Variants in PRSS55 observed in about 807,000 individuals in gnomAD.
PRSS55 encodes the protein probable serine protease UNQ9391/PRO34284.
In PRSS55, 41 loss-of-function variants were observed where a neutral mutation model predicts 23.6. The observed-to-expected ratio is 1.74, with a 90% confidence interval of 1.35 to 2.26. The LOEUF is 2.26. PRSS55 is among the 30% of genes most tolerant of loss of function. The probability of loss-of-function intolerance (pLI) is 0.00; values close to 1 mark genes in which losing one functional copy is unlikely to be tolerated. For missense variants in PRSS55, 669 were observed against 439.1 expected, an observed-to-expected ratio of 1.52 and a Z score of -4.68; for synonymous variants, 262 against 175.5, an observed-to-expected ratio of 1.49 and a Z score of -3.90.
chr8:10,538,725 G>A lies in PRSS55; in HGVS notation c.991G>A (p.Gly331Ser). 6.2e-7 allele frequency: 1 copy of A among 1,613,390 alleles called. No individual in the cohort carries two copies. The highest frequency in any genetic ancestry group is 1.3e-5 in the African/African-American group (1 of 74,948). ...GSPVSGVPEPGSPRSWLLLCP... is the reference protein window; with the variant it reads ...GSPVSGVPEPSSPRSWLLLCP... Reference sequence around the variant, plus strand: ...CCCAGTCTCGGGAGTCCCAGAGCCAGGCAGCCCCAGATCCTGGCTCCTGCT... The same window carrying A: ...CCCAGTCTCGGGAGTCCCAGAGCCAAGCAGCCCCAGATCCTGGCTCCTGCT... The change falls in exon 5 of 5, where the codon GGC (glycine) becomes AGC (serine). Residue 331 changes from glycine to serine, a missense_variant. Transcript: ENST00000328655.
rs75758579 is a variant in PRSS55 at position 10,553,735 on chromosome 8, C to T, written c.742-208C>T. On this transcript the variant is annotated intron_variant, in intron 4 of 4. Transcript: ENST00000522210. Reference sequence around the variant, plus strand: ...CACAGCATGGTTACTATTGTTAATACAGTAATAATGTATTATAGACCGGAA... The same window carrying T: ...CACAGCATGGTTACTATTGTTAATATAGTAATAATGTATTATAGACCGGAA... Among the ~76,000 whole-genome samples the T allele has an allele frequency of 9.0e-3, 1,369 of 152,238 alleles. 16 individuals carry two copies. Among genetic ancestry groups the T allele is most frequent in the East Asian group, 0.052 (269 of 5,186 alleles).
Position 10,531,479 on chromosome 8 carries a change from C to A in PRSS55, c.532C>A (p.Pro178Thr). 6.2e-7 allele frequency: 1 copy of A among 1,614,004 alleles called. No individual in the cohort carries two copies. The highest frequency in any genetic ancestry group is 8.5e-7 in the Non-Finnish European group (1 of 1,180,054). Residue 178 changes from proline to threonine, a missense_variant, in exon 3 of 5, where the codon CCC becomes ACC. Pro to Thr is a conservative substitution (Grantham distance 38). Transcript: ENST00000328655. ...LDDLKVPICLPTQPGPATWRE... is the reference protein window; with the variant it reads ...LDDLKVPICLTTQPGPATWRE... ...TGACCTGAAGGTGCCCATCTGCCTCCCCACGCAGCCCGGCCCTGCCACATG... is the reference window on the plus strand; with the variant it reads ...TGACCTGAAGGTGCCCATCTGCCTCACCACGCAGCCCGGCCCTGCCACATG...
intron 1 of PRSS55, among the ~76,000 whole-genome samples, chr8:10,526,527 C>T (rs1006832851): frequency 6.6e-5 from 10 of 152,228 alleles, no homozygotes; most frequent in Non-Finnish European, 1.5e-4. Flanking sequence ...GGGAGAGCAT[C>T]AGCAGAATAT....
At chr8:10,551,097 C>T (rs376034440) in intron 4 of PRSS55, among the ~76,000 whole-genome samples, 7 of 152,316 alleles carry the variant, frequency 4.6e-5, no homozygotes, top group African/African-American at 1.7e-4. Context: ...GCTTTGAGCA[C>T]TTTCCAAGAC....
At chr8:10,546,652 C>A (rs1240432072) in intron 4 of PRSS55, among the ~76,000 whole-genome samples, 1 of 152,104 alleles carries the variant, frequency 6.6e-6, no homozygotes, top group Non-Finnish European at 1.5e-5. Flanking sequence ...CACCTACAGG[C>A]AGCCCTCTGC....
intron 4 of PRSS55, among the ~76,000 whole-genome samples, chr8:10,553,124 T>C (rs1322893060): frequency 6.6e-6 from 1 of 152,176 alleles, no homozygotes; most frequent in Non-Finnish European, 1.5e-5. Flanking sequence ...GTTTTCCATA[T>C]GCTATTCTCA....
At position 10,529,337 on chromosome 8, in the gene PRSS55, G is replaced by C; in HGVS notation, c.155-170G>C. 5 of 668,100 alleles carry C rather than the reference G, an allele frequency of 7.5e-6. No individual in the cohort carries two copies. In the South Asian group the frequency reaches 8.7e-5, roughly 12 times the overall value. The allele number at this position is 668,100 out of a possible 1,614,324, so 41.4% of individuals were successfully genotyped here. ...GTGTAGACAAAATAAACCATCTGCC[G>C]GCTGATGTCACAAGGGCTGCCCCGC... is the stretch of plus-strand genomic sequence containing the variant. On this transcript the variant is annotated intron_variant, in intron 1 of 4. Coordinates refer to ENST00000328655, the MANE Select transcript of PRSS55 (RefSeq NM_198464.4).
chr8:10,529,176 T>A (rs939054962), intron 1 of PRSS55, among the ~76,000 whole-genome samples: 8 of 152,200 alleles, frequency 5.3e-5, no homozygotes, highest in Non-Finnish European at 7.3e-5. Context: ...CACGGGGGGT[T>A]AGCCTTGGAC....
In PRSS55 at chr8:10,532,968, G is replaced by T; in HGVS notation, c.661G>T (p.Glu221Ter). 1 of 1,614,176 alleles carries T rather than the reference G, an allele frequency of 6.2e-7. No homozygotes were observed. The highest frequency in any genetic ancestry group is 1.1e-5 in the South Asian group (1 of 91,074). ...KAPMVIMDWE[E>*]CSKMFPKLTK... ...GCCAATGGTCATCATGGACTGGGAG[G>T]AGTGTTCAAAGATGTTTCCAAAACT... The change falls in exon 4 of 5, where the codon GAG becomes TAG. Residue 221 changes from glutamate (E) to a stop codon, truncating the protein, a stop_gained. Coordinates refer to ENST00000328655, the MANE Select transcript of PRSS55 (RefSeq NM_198464.4). LOFTEE classifies it high-confidence loss of function.
At chr8:10,539,716 G>A (rs77836102), downstream of PRSS55, among the ~76,000 whole-genome samples, 1 of 152,170 alleles carries the variant, frequency 6.6e-6, no homozygotes, top group East Asian at 1.9e-4. Context: ...GTTCTCTCTT[G>A]CCTGCTGCCA....
At chr8:10,527,784 G>A (rs1287715427) in intron 1 of PRSS55, among the ~76,000 whole-genome samples, 1 of 152,202 alleles carries the variant, frequency 6.6e-6, no homozygotes, top group Non-Finnish European at 1.5e-5. Context: ...AAGTGAGGAT[G>A]AAAATAAGAG....
chr8:10,535,638 C>T (rs1439653576), intron 4 of PRSS55, among the ~76,000 whole-genome samples: 4 of 152,174 alleles, frequency 2.6e-5, no homozygotes, highest in Admixed American at 1.3e-4. Context: ...ACACTACAAA[C>T]CACCATTCTT....
intron 4 of PRSS55, among the ~76,000 whole-genome samples, chr8:10,537,331 A>AATG (rs1812491195): frequency 6.6e-6 from 1 of 152,262 alleles, no homozygotes; most frequent in African/African-American, 2.4e-5. Context: ...AACAGCATGT[A>AATG]TAGAACTGGA....
chr8:10,546,135 C>T (rs1585893964), intron 4 of PRSS55, among the ~76,000 whole-genome samples: 1 of 152,122 alleles, frequency 6.6e-6, no homozygotes, highest in Admixed American at 6.5e-5. Flanking sequence ...AGCCAGCTTC[C>T]AGAATGAAGC....
At chr8:10,538,439 AC>A in intron 4 of PRSS55, 36 bp from the exon 5 acceptor site, 1 of 1,521,480 alleles carries the variant, frequency 6.6e-7, no homozygotes, top group Non-Finnish European at 9.0e-7. Flanking sequence ...GCAGCTTAGA[AC>A]CGGACTCCCT....
exon 5 of PRSS55, chr8:10,554,025 A>C: frequency 1.3e-6 from 2 of 1,526,492 alleles, no homozygotes; most frequent in Non-Finnish European, 1.8e-6. Flanking sequence ...TTTCATCTGC[A>C]AAACTGATGC....
chr8:10,531,675 C>A, intron 3 of PRSS55, 130 bp downstream of exon 3: 1 of 1,356,636 alleles, frequency 7.4e-7, no homozygotes, highest in Non-Finnish European at 9.9e-7. Context: ...TCTCACAGTG[C>A]CCAAAGTTTA....
intron 2 of PRSS55, among the ~76,000 whole-genome samples, chr8:10,530,605 A>G (rs573043428): frequency 6.6e-6 from 1 of 152,260 alleles, no homozygotes; most frequent in East Asian, 1.9e-4. Context: ...CTGCTCACCC[A>G]CAGTACCCAT....
intron 4 of PRSS55, among the ~76,000 whole-genome samples, chr8:10,550,591 T>C (rs1421523371): frequency 2.6e-5 from 4 of 152,168 alleles, no homozygotes; most frequent in African/African-American, 7.2e-5. Context: ...AGGGACCCAA[T>C]CTCTGCCTCC....
Sources: gnomAD v4.1 joint callset for allele counts (sites outside exome capture counted in the v4.1 genomes callset) on GRCh38, gnomAD v4.1.1 for gene constraint, MANE v1.5 for transcripts, NCBI Gene and HGNC (gene_info 2026-07-23, HGNC 2026-07-21) for gene names.